NEO1: variants seen among roughly 807,000 people sequenced by gnomAD.
NEO1 encodes neogenin.
A neutral mutation model predicts 159.7 loss-of-function variants in NEO1; 63 were observed. The observed-to-expected ratio is 0.39, with a 90% CI of 0.32 to 0.49. The LOEUF (loss-of-function observed/expected upper bound fraction) is 0.49, where lower values mean the gene tolerates loss of function less well. Among genes scored for constraint, NEO1 ranks in the 20% least tolerant of loss-of-function variants. The pLI is 0.85. For synonymous variants in NEO1, 633 were observed against 662.0 expected (o/e 0.96, Z 0.67); for missense variants, 1,615 against 1,831.0 (o/e 0.88, Z 2.15).
intron 4 of NEO1, among the ~76,000 whole-genome samples, chr15:73,132,336 C>T (rs1317983366): frequency 6.6e-6 from 1 of 152,146 alleles, no homozygotes; most frequent in Non-Finnish European, 1.5e-5. Flanking sequence ...CAAACTTCTG[C>T]TTTAGTGTTT....
chr15:73,272,380 A>C (rs2041212936), intron 18 of NEO1, 75 bp from the exon 19 acceptor site: 1 of 1,104,894 alleles, frequency 9.1e-7, no homozygotes, highest in South Asian at 1.4e-5. Context: ...TTTGCCTTAC[A>C]AGTGGAAAAG....
chr15:73,120,710 A>G (rs945712456), intron 2 of NEO1, among the ~76,000 whole-genome samples: 5 of 151,762 alleles, frequency 3.3e-5, no homozygotes, highest in African/African-American at 4.8e-5. Context: ...GGGAGTGGTT[A>G]AATAACTTGC....
At chr15:73,299,550 T>C (rs1342078651) in intron 27 of NEO1, among the ~76,000 whole-genome samples, 2 of 152,092 alleles carry the variant, frequency 1.3e-5, no homozygotes, top group African/African-American at 4.8e-5. Context: ...CATGCGCAGC[T>C]AATTTTTTGT....
In NEO1 at chr15:73,288,463, T is replaced by G. The variant is rs1398603591; in HGVS notation, c.3561T>G (p.Asp1187Glu). 8 of 1,614,020 alleles carry G rather than the reference T, an allele frequency of 5.0e-6. No homozygotes were observed. The Admixed American group carries it at 6.7e-5, about 13-fold the overall frequency. ...CAGACCCAAACCCCATCATGACTGA[T>G]ACTCCAATTCCTCGCAACTCTCAAG... ...KSPDPNPIMTDTPIPRNSQDI... is the reference protein window; with the variant it reads ...KSPDPNPIMTETPIPRNSQDI... The change falls in exon 24 of 29, where the codon GAT (aspartate) becomes GAG (glutamate). Residue 1187 changes from aspartate (D) to glutamate (E), a missense_variant. Around this residue, in one of 3 missense-constraint regions of NEO1, gnomAD observed 471 missense variants for 498.9 expected, o/e 0.94. Transcript: ENST00000261908.
At chr15:73,088,046 CT>C in intron 1 of NEO1, among the ~76,000 whole-genome samples, 1 of 152,002 alleles carries the variant, frequency 6.6e-6, no homozygotes, top group Non-Finnish European at 1.5e-5. Context: ...TGCTAAATTG[CT>C]TTCTAGAAAG....
Position 73,253,400 on chromosome 15 carries a change from T to C in NEO1, c.1895T>C (p.Val632Ala), listed in dbSNP as rs1448090756. The change falls in exon 12 of 29, where the codon GTT becomes GCT. Residue 632 changes from valine (V) to alanine (A), a missense_variant and splice_region_variant. By Grantham distance (64) the Val-to-Ala change is moderately conservative. Around this residue, in one of 3 missense-constraint regions of NEO1, gnomAD observed 1,018 missense variants for 1,115.4 expected, o/e 0.91. Coordinates refer to ENST00000261908, the MANE Select transcript of NEO1 (RefSeq NM_002499.4). ...TTTTTTTTTTTTTTTGTTTCTCTAG[T>C]TCCCAGTGCTGCTCCTCAGAATCTG... ...PDVAVRTLSD[V>A]PSAAPQNLSL... 4 of 1,568,878 alleles carry C rather than the reference T, an allele frequency of 2.5e-6. No individual in the cohort carries two copies. Among genetic ancestry groups the C allele is most frequent in the Non-Finnish European group, 3.5e-6 (4 of 1,158,892 alleles).
At chr15:73,225,211 G>T (rs920694216) in intron 7 of NEO1, among the ~76,000 whole-genome samples, 1 of 152,184 alleles carries the variant, frequency 6.6e-6, no homozygotes, top group Non-Finnish European at 1.5e-5. Context: ...GAGGTGGCAG[G>T]GGGGTGAAAT....
At chr15:73,156,075 T>C (rs1234004700) in intron 5 of NEO1, among the ~76,000 whole-genome samples, 2 of 152,226 alleles carry the variant, frequency 1.3e-5, no homozygotes, top group Non-Finnish European at 2.9e-5. Flanking sequence ...GGAGTAACAG[T>C]CACTACTTCT....
intron 5 of NEO1, among the ~76,000 whole-genome samples, chr15:73,142,941 G>A (rs189216489): frequency 8.5e-5 from 13 of 152,236 alleles, no homozygotes; most frequent in African/African-American, 9.6e-5. Context: ...AAACTAGATC[G>A]AAAAGACTGA....
At chr15:73,301,118 G>A (rs1300088653) in intron 27 of NEO1, among the ~76,000 whole-genome samples, 1 of 152,208 alleles carries the variant, frequency 6.6e-6, no homozygotes, top group Non-Finnish European at 1.5e-5. Context: ...GTTTTCTAGA[G>A]ACAGTGGAAT....
At chr15:73,226,112 C>T (rs914844371) in intron 7 of NEO1, among the ~76,000 whole-genome samples, 13 of 152,328 alleles carry the variant, frequency 8.5e-5, no homozygotes, top group African/African-American at 3.1e-4. Context: ...TTTCCCACTT[C>T]CACAGTTGGG....
intron 2 of NEO1, among the ~76,000 whole-genome samples, chr15:73,121,069 T>G (rs7178919): frequency 0.014 from 2,205 of 152,232 alleles, 50 homozygotes; most frequent in African/African-American, 0.051. Flanking sequence ...GTATATTTCT[T>G]TGAAACAAGG....
At chr15:73,271,079 A>G (rs2041145434) in intron 18 of NEO1, among the ~76,000 whole-genome samples, 2 of 152,316 alleles carry the variant, frequency 1.3e-5, no homozygotes, top group East Asian at 1.9e-4. Context: ...TTTCTCTCCT[A>G]TATGAATAAT....
chr15:73,266,562 T>C, intron 16 of NEO1, 151 bp downstream of exon 16: 1 of 505,518 alleles, frequency 2.0e-6, no homozygotes, highest in Non-Finnish European at 3.4e-6. Flanking sequence ...GCTTTCAGCA[T>C]GGAAAGTTCT....
intron 22 of NEO1, among the ~76,000 whole-genome samples, chr15:73,279,001 G>C (rs2041548641): frequency 6.6e-6 from 1 of 152,228 alleles, no homozygotes; most frequent in Non-Finnish European, 1.5e-5. Flanking sequence ...ACATGTGGAA[G>C]AGAGAGACAT....
At chr15:73,266,976 A>G (rs2040932098) in intron 16 of NEO1, among the ~76,000 whole-genome samples, 1 of 152,196 alleles carries the variant, frequency 6.6e-6, no homozygotes, top group Admixed American at 6.5e-5. Context: ...ATATCTCTAA[A>G]GGCCGGGTGC....
At chr15:73,191,188 A>T (rs1380423065) in intron 7 of NEO1, among the ~76,000 whole-genome samples, 1 of 152,086 alleles carries the variant, frequency 6.6e-6, no homozygotes, top group South Asian at 2.1e-4. Context: ...CCCACTGTGG[A>T]TGAGGTGATT....
Position 73,096,046 on chromosome 15 carries a change from G to C in NEO1, c.131-20494G>C, listed in dbSNP as rs978353003. 2.0e-5 allele frequency among the ~76,000 whole-genome samples: 3 copies of C among 152,288 alleles called. No individual in the cohort carries two copies. In the South Asian group the frequency reaches 6.2e-4, roughly 32 times the overall value. ...TGCTTACGAAAAGTTTATGGGGACAGTGCCCCCAAAGAATTCAGCAGGTTA... is the reference window on the plus strand; with the variant it reads ...TGCTTACGAAAAGTTTATGGGGACACTGCCCCCAAAGAATTCAGCAGGTTA... On this transcript the variant is annotated intron_variant, in intron 1 of 28. Transcript: ENST00000261908.
chr15:73,201,400 T>G (rs2036875334), intron 7 of NEO1, among the ~76,000 whole-genome samples: 3 of 152,120 alleles, frequency 2.0e-5, no homozygotes, highest in South Asian at 2.1e-4. Flanking sequence ...TACTTATTTC[T>G]AATTTAACGC....
Sources: allele counts gnomAD v4.1 joint callset (sites outside exome capture counted in the v4.1 genomes callset), GRCh38; gene constraint gnomAD v4.1.1; regional missense constraint gnomAD v4.1.1; transcripts MANE v1.5; gene names NCBI Gene and HGNC (gene_info 2026-07-23, HGNC 2026-07-21).